Variants in GRM4 observed in about 807,000 individuals in gnomAD.
The protein encoded by GRM4 is glutamate metabotropic receptor 4.
In GRM4, 28 loss-of-function variants were observed where a neutral mutation model predicts 81.7. The ratio of observed to expected loss-of-function variants is 0.34; its 90% CI spans 0.25 to 0.47. The LOEUF (loss-of-function observed/expected upper bound fraction) is 0.47, where lower values mean the gene tolerates loss of function less well. GRM4 is among the 20% of genes least tolerant of loss of function. GRM4 has a pLI of 1.00. For missense variants in GRM4, 948 were observed against 1,290.0 expected (o/e 0.73, Z 4.06); for synonymous variants, 488 against 528.8 (o/e 0.92, Z 1.06).
chr6:34,140,255 G>A (rs374211196), intron 1 of GRM4, among the ~76,000 whole-genome samples: 103 of 152,254 alleles, frequency 6.8e-4, no homozygotes, highest in Admixed American at 3.3e-3. Context: ...CCCTGAGGTG[G>A]GCACAGGCTT....
At chr6:34,060,478 C>CA (rs1205297940) in intron 4 of GRM4, 2 of 152,250 alleles carry the variant, frequency 1.3e-5, no homozygotes, top group South Asian at 2.1e-4. Context: ...CTCTGGAAGT[C>CA]AGTCTAGCTC....
intron 3 of GRM4, among the ~76,000 whole-genome samples, chr6:34,071,346 CCG>C (rs1467248551): frequency 1.8e-5 from 2 of 113,414 alleles, no homozygotes; most frequent in African/African-American, 3.9e-5. Flanking sequence ...CAGATAAACA[CCG>C]CACCACACAC....
At chr6:34,049,693 T>G (rs1765519366) in intron 6 of GRM4, among the ~76,000 whole-genome samples, 1 of 152,062 alleles carries the variant, frequency 6.6e-6, no homozygotes, top group Non-Finnish European at 1.5e-5. Context: ...TTCATCCATC[T>G]CCTTGTTCCA....
chr6:34,139,148 T>TC, intron 1 of GRM4, among the ~76,000 whole-genome samples: 1 of 151,942 alleles, frequency 6.6e-6, no homozygotes, highest in Non-Finnish European at 1.5e-5. Context: ...TCCCTTTCCT[T>TC]CCCCCGTGAG....
In GRM4 at chr6:34,019,897, GC is replaced by G. The variant is rs1328074181; in HGVS notation, c.*2923del. On this transcript the variant is annotated 3_prime_UTR_variant, in exon 11 of 11. Transcript: ENST00000538487. ...CAGGTCCCACCCAGGCCAGCTGTGG[GC>G]CCCAGCCCTGGCTGCACTGGCCTGA... 1.3e-5 allele frequency: 2 copies of G among 152,314 alleles called. No homozygotes were observed. The highest frequency in any genetic ancestry group is 3.9e-4 in the East Asian group (2 of 5,174). The allele number at this position is 152,314 out of a possible 1,614,324, so 9.4% of individuals were successfully genotyped here. A position where few individuals can be genotyped will look rare whatever the true frequency, so the allele number is the denominator to read the frequency against.
At chr6:34,117,019 A>G (rs1189100464) in intron 2 of GRM4, among the ~76,000 whole-genome samples, 1 of 152,244 alleles carries the variant, frequency 6.6e-6, no homozygotes, top group East Asian at 1.9e-4. Flanking sequence ...AGGAAAGGAT[A>G]TTAACTAGGA....
intron 2 of GRM4, among the ~76,000 whole-genome samples, chr6:34,100,255 G>C (rs1768762807): frequency 6.6e-6 from 1 of 152,188 alleles, no homozygotes; most frequent in South Asian, 2.1e-4. Context: ...CCCTTGCTCT[G>C]CTCCTCCCCC....
intron 1 of GRM4, among the ~76,000 whole-genome samples, chr6:34,137,673 T>C (rs1770514866): frequency 6.6e-6 from 1 of 151,212 alleles, no homozygotes; most frequent in Admixed American, 6.6e-5. Context: ...AGCCTCAACC[T>C]CTCAGGCTCA....
intron 2 of GRM4, among the ~76,000 whole-genome samples, chr6:34,127,237 T>G (rs1770057990): frequency 6.6e-6 from 1 of 152,050 alleles, no homozygotes; most frequent in South Asian, 2.1e-4. Context: ...AGAGACAGAA[T>G]AGCCAGGGGC....
At chr6:34,132,200 G>A (rs559142782) in intron 2 of GRM4, among the ~76,000 whole-genome samples, 9 of 152,292 alleles carry the variant, frequency 5.9e-5, no homozygotes, top group Admixed American at 3.3e-4. Flanking sequence ...GATTCCAGAA[G>A]GAAAGGGAGA....
At chr6:34,150,451 C>T (rs1013423086), upstream of GRM4, among the ~76,000 whole-genome samples, 2 of 151,698 alleles carry the variant, frequency 1.3e-5, no homozygotes, top group Admixed American at 1.3e-4. Flanking sequence ...GCATGGAGGT[C>T]AAGGCAGCTG....
At position 34,064,326 on chromosome 6, in the gene GRM4, A is replaced by G. The variant is rs2127463753; in HGVS notation, c.737-2298T>C. Among the ~76,000 whole-genome samples the G allele has an allele frequency of 6.6e-6, 1 of 152,348 alleles. No homozygotes were observed. The highest frequency in any genetic ancestry group is 2.1e-4 in the South Asian group (1 of 4,832). On this transcript the variant is annotated intron_variant, in intron 3 of 10. Coordinates refer to ENST00000538487, the MANE Select transcript of GRM4 (RefSeq NM_000841.4). The surrounding 1 kb of genome is among the most constrained non-coding windows in gnomAD (Gnocchi z 4.4). The stretch of plus-strand genomic sequence containing the variant: ...CTCATCTGAGGCCAGTGTAATCACC[A>G]TATCTCCAATTTATAAATGAAGAAA...
rs1764589316 is a variant in GRM4 at position 34,034,435 on chromosome 6, A to G, written c.2442+1233T>C. 1.3e-5 allele frequency among the ~76,000 whole-genome samples: 2 copies of G among 152,242 alleles called. No individual in the cohort carries two copies. The highest frequency in any genetic ancestry group is 4.8e-5 in the African/African-American group (2 of 41,456). ...CTGGGGACACCCTCTCCTGCAGAGCATGACAGTGACCTTCTCACAGCTGCT... is the reference window on the plus strand; with the variant it reads ...CTGGGGACACCCTCTCCTGCAGAGCGTGACAGTGACCTTCTCACAGCTGCT... On this transcript the variant is annotated intron_variant, in intron 9 of 10. Transcript: ENST00000538487. This position sits in a 1 kb window ranked among gnomAD's most constrained non-coding sequence, Gnocchi z 4.0.
intron 8 of GRM4, among the ~76,000 whole-genome samples, chr6:34,037,860 T>TC (rs1764794340): frequency 2.7e-5 from 1 of 36,402 alleles, no homozygotes; most frequent in African/African-American, 1.6e-4. Context: ...AGATTCCGTC[T>TC]CAAAAAAAAA....
At chr6:34,102,462 T>G (rs1768894509) in intron 2 of GRM4, among the ~76,000 whole-genome samples, 1 of 152,068 alleles carries the variant, frequency 6.6e-6, no homozygotes, top group Admixed American at 6.6e-5. Flanking sequence ...TTCTGCTGCC[T>G]GAATGCTCTT....
chr6:34,145,265 G>T (rs1161197013), intron 1 of GRM4, among the ~76,000 whole-genome samples: 1 of 151,744 alleles, frequency 6.6e-6, no homozygotes, highest in African/African-American at 2.4e-5. Context: ...AGTCCGGGAC[G>T]CAGCAGGGAT....
At chr6:34,132,752 C>T (rs1192272559) in intron 2 of GRM4, among the ~76,000 whole-genome samples, 3 of 152,210 alleles carry the variant, frequency 2.0e-5, no homozygotes, top group African/African-American at 7.2e-5. Context: ...GGCTGGGTCC[C>T]GATGCCTTTC....
chr6:34,024,076 G>A (rs533302369), intron 10 of GRM4: 1 of 152,590 alleles, frequency 6.6e-6, no homozygotes, highest in East Asian at 1.9e-4. Context: ...ACTCAGCCAG[G>A]GGCATCTGGA....
At chr6:34,041,527 C>T (rs186978138) in intron 6 of GRM4, among the ~76,000 whole-genome samples, 4 of 152,324 alleles carry the variant, frequency 2.6e-5, no homozygotes, top group Admixed American at 1.3e-4. Flanking sequence ...CCTCCGTGTC[C>T]ACTGACCTCT....
Sources: gnomAD v4.1 joint callset for allele counts (sites outside exome capture counted in the v4.1 genomes callset) on GRCh38, gnomAD v4.1.1 for gene constraint, Gnocchi (gnomAD v3.1) non-coding constraint, MANE v1.5 for transcripts, NCBI Gene and HGNC (gene_info 2026-07-23, HGNC 2026-07-21) for gene names.